The following PVT1 variants were observed in gnomAD, a reference collection of about 807,000 sequenced individuals.
The protein encoded by PVT1 is CXCR4/PVT1 fusion.
intron 4 of PVT1, among the ~76,000 whole-genome samples, chr8:128,056,512 C>A (rs1017292707): frequency 6.6e-6 from 1 of 152,190 alleles, no homozygotes; most frequent in Non-Finnish European, 1.5e-5. Flanking sequence ...AGCCTGTACA[C>A]GAGTCCCAGG....
chr8:127,902,097 C>T (rs1317186823), intron 3 of PVT1, among the ~76,000 whole-genome samples: 1 of 152,150 alleles, frequency 6.6e-6, no homozygotes, highest in Non-Finnish European at 1.5e-5. Flanking sequence ...AGCCCCATAA[C>T]CCTCCACTGA....
intron 4 of PVT1, among the ~76,000 whole-genome samples, chr8:128,007,243 A>G (rs1294948015): frequency 2.0e-5 from 3 of 152,222 alleles, no homozygotes; most frequent in Non-Finnish European, 4.4e-5. Context: ...GCAACTAAGC[A>G]ATAATATTGT....
At chr8:127,906,766 C>T (rs891074820) in intron 3 of PVT1, among the ~76,000 whole-genome samples, 5 of 152,106 alleles carry the variant, frequency 3.3e-5, no homozygotes, top group Non-Finnish European at 7.3e-5. Flanking sequence ...TGTCACCATT[C>T]TTATGTAATT....
intron 2 of PVT1, among the ~76,000 whole-genome samples, chr8:127,804,719 CT>C (rs1421093941): frequency 0.016 from 2,296 of 140,654 alleles, 54 homozygotes; most frequent in African/African-American, 0.054. Flanking sequence ...CTTTCTTTTT[CT>C]TTTTTTTTTT....
chr8:127,976,274 C>T (rs976494812), intron 3 of PVT1, among the ~76,000 whole-genome samples: 3 of 152,148 alleles, frequency 2.0e-5, no homozygotes, highest in Admixed American at 2.0e-4. Context: ...CTGCAGCTTC[C>T]CTTTCCCTGC....
At chr8:127,896,389 G>T (rs1189534041) in intron 3 of PVT1, among the ~76,000 whole-genome samples, 1 of 152,074 alleles carries the variant, frequency 6.6e-6, no homozygotes, top group East Asian at 1.9e-4. Flanking sequence ...TTTTGGTCCA[G>T]CAGGCCTGGG....
intron 2 of PVT1, among the ~76,000 whole-genome samples, chr8:127,811,102 A>G (rs1224541867): frequency 6.6e-6 from 1 of 152,120 alleles, no homozygotes; most frequent in Non-Finnish European, 1.5e-5. Context: ...CCTCTTCTAG[A>G]TGTTATCAGA....
intron 3 of PVT1, among the ~76,000 whole-genome samples, chr8:127,925,137 T>C (rs182271323): frequency 2.6e-5 from 4 of 152,370 alleles, no homozygotes; most frequent in Admixed American, 1.3e-4. Flanking sequence ...AATGGTCTTT[T>C]GTGCCTGGCT....
intron 2 of PVT1, among the ~76,000 whole-genome samples, chr8:127,800,199 CTT>C (rs554050043): frequency 4.0e-5 from 6 of 151,714 alleles, no homozygotes; most frequent in Admixed American, 3.9e-4. Context: ...CTTCAGGGCT[CTT>C]TTTTTTTCTG....
chr8:128,087,747 CTTTT>C (rs71568675), intron 5 of PVT1, among the ~76,000 whole-genome samples: 1 of 76,580 alleles, frequency 1.3e-5, no homozygotes, highest in African/African-American at 4.9e-5. Context: ...TGATGTGCTA[CTTTT>C]TTTTTTTTTT....
chr8:127,949,194 C>T (rs1002455881), intron 3 of PVT1, among the ~76,000 whole-genome samples: 3 of 152,090 alleles, frequency 2.0e-5, no homozygotes, highest in Admixed American at 6.6e-5. Context: ...TGTGGAACTT[C>T]GTAGTTGTAC....
chr8:127,985,107 C>A (rs1271560033), intron 3 of PVT1, among the ~76,000 whole-genome samples: 1 of 149,840 alleles, frequency 6.7e-6, no homozygotes, highest in Non-Finnish European at 1.5e-5. Context: ...GATCTCGGCT[C>A]ACTGTAACCT....
chr8:127,927,299 G>C (rs1269845685), intron 3 of PVT1, among the ~76,000 whole-genome samples: 1 of 152,238 alleles, frequency 6.6e-6, no homozygotes, highest in Non-Finnish European at 1.5e-5. Context: ...CATCCAGAAG[G>C]AGTCCTGGGC....
intron 4 of PVT1, among the ~76,000 whole-genome samples, chr8:128,018,941 G>C (rs990837300): frequency 6.6e-6 from 1 of 152,244 alleles, no homozygotes; most frequent in Non-Finnish European, 1.5e-5. Flanking sequence ...TGAGCCGCGA[G>C]GTTTGTGGCT....
intron 3 of PVT1, chr8:127,948,650 T>C (rs1215662600): frequency 6.6e-6 from 1 of 151,946 alleles, no homozygotes; most frequent in Non-Finnish European, 1.5e-5. Context: ...TGGGTGTCCT[T>C]ATCAGAAGAA....
rs569462996 is a variant in PVT1 at position 127,851,634 on chromosome 8, C to A, written n.373-38955C>A. On this transcript the variant is annotated intron_variant and non_coding_transcript_variant, in intron 2 of 10. Transcript: ENST00000651587. ...AGAGACTGAGTCACTGCAGGAGTAA[C>A]CTCTCCTTGGCAAGCAGCGGGAGTC... Among the ~76,000 whole-genome samples the A allele has an allele frequency of 3.3e-5, 5 of 152,230 alleles. No individual in the cohort carries two copies. The East Asian group carries it at 9.7e-4, about 29-fold the overall frequency.
chr8:127,802,987 C>T (rs1226555141), intron 2 of PVT1, among the ~76,000 whole-genome samples: 1 of 151,858 alleles, frequency 6.6e-6, no homozygotes, highest in Non-Finnish European at 1.5e-5. Flanking sequence ...AGGTTCAAGG[C>T]CTTGGACTGC....
intron 2 of PVT1, among the ~76,000 whole-genome samples, chr8:127,851,019 TAA>T (rs1290113910): frequency 6.7e-6 from 1 of 148,748 alleles, no homozygotes; most frequent in Non-Finnish European, 1.5e-5. Flanking sequence ...AAAAAAAAAT[TAA>T]AAAAAAATAA....
At chr8:128,075,885 T>C (rs1814081681) in intron 5 of PVT1, among the ~76,000 whole-genome samples, 1 of 152,136 alleles carries the variant, frequency 6.6e-6, no homozygotes, top group Non-Finnish European at 1.5e-5. Context: ...GCTTCTCTTG[T>C]ATAAGTTGAC....
Sources: gnomAD v4.1 joint callset for allele counts (sites outside exome capture counted in the v4.1 genomes callset) on GRCh38, gnomAD v4.1.1 for gene constraint, MANE v1.5 for transcripts, NCBI Gene and HGNC (gene_info 2026-07-23, HGNC 2026-07-21) for gene names.